TUSC3: variants seen among roughly 807,000 people sequenced by gnomAD.
The protein encoded by TUSC3 is tumor suppressor candidate 3, also known as dolichyl-diphosphooligosaccharide--protein glycosyltransferase subunit TUSC3.
TUSC3 carries 45 observed loss-of-function variants against 44.8 expected under a neutral mutation model. The ratio of observed to expected loss-of-function variants is 1.00; its 90% CI spans 0.79 to 1.29. The LOEUF (loss-of-function observed/expected upper bound fraction) is 1.29, where lower values mean the gene tolerates loss of function less well. Ranked by LOEUF, TUSC3 falls within the 50% of genes most tolerant of loss-of-function variation. TUSC3 has a pLI of 0.00. For missense variants in TUSC3, 519 were observed against 437.9 expected, an observed-to-expected ratio of 1.19 and a Z score of -1.65; for synonymous variants, 212 against 152.9, an observed-to-expected ratio of 1.39 and a Z score of -2.85.
At chr8:15,726,962 C>T (rs1478964448) in intron 6 of TUSC3, among the ~76,000 whole-genome samples, 1 of 152,106 alleles carries the variant, frequency 6.6e-6, no homozygotes, top group African/African-American at 2.4e-5. Context: ...TTCACCTGAT[C>T]TGAAAATGCA....
chr8:15,437,532 CTT>C (rs1448133102), intron 1 of TUSC3, among the ~76,000 whole-genome samples: 2 of 152,156 alleles, frequency 1.3e-5, no homozygotes, highest in African/African-American at 4.8e-5. Context: ...TTAACTTTCT[CTT>C]GTACTATTTT....
At chr8:15,712,577 A>G (rs530036156) in intron 6 of TUSC3, among the ~76,000 whole-genome samples, 10 of 152,142 alleles carry the variant, frequency 6.6e-5, no homozygotes, top group African/African-American at 2.4e-4. Flanking sequence ...GTGGTCTCCA[A>G]AGGACACTAA....
chr8:15,647,289 C>T (rs1045589076), intron 2 of TUSC3, among the ~76,000 whole-genome samples: 6 of 152,160 alleles, frequency 3.9e-5, no homozygotes, highest in African/African-American at 7.2e-5. Context: ...ACCCCTGACC[C>T]GCTCAAAAGA....
chr8:15,532,358 G>A (rs890835665), intron 2 of TUSC3, among the ~76,000 whole-genome samples: 4 of 152,096 alleles, frequency 2.6e-5, no homozygotes, highest in Non-Finnish European at 4.4e-5. Flanking sequence ...CATTTGTGGA[G>A]GCTGAGAAGT....
At chr8:15,734,795 T>G (rs1810864094) in intron 7 of TUSC3, among the ~76,000 whole-genome samples, 1 of 152,166 alleles carries the variant, frequency 6.6e-6, no homozygotes, top group African/African-American at 2.4e-5. Flanking sequence ...GCTATATTGG[T>G]AGAAGATACA....
chr8:15,593,823 C>G (rs537185699), intron 1 of TUSC3, among the ~76,000 whole-genome samples: 7 of 152,176 alleles, frequency 4.6e-5, no homozygotes, highest in Admixed American at 4.6e-4. Context: ...TCCCTCCTTT[C>G]ATATTCTCTT....
chr8:15,640,454 A>G (rs1440525696), intron 2 of TUSC3, among the ~76,000 whole-genome samples: 1 of 152,212 alleles, frequency 6.6e-6, no homozygotes, highest in Non-Finnish European at 1.5e-5. Context: ...AAACGTGGTG[A>G]TGGTACTGGG....
the TUSC3 span, among the ~76,000 whole-genome samples, chr8:15,848,891 G>A: frequency 1.3e-5 from 2 of 152,310 alleles, no homozygotes; most frequent in East Asian, 3.9e-4. Flanking sequence ...AACTAATCTA[G>A]TGCTTAATCG....
intron 2 of TUSC3, among the ~76,000 whole-genome samples, chr8:15,504,063 A>G (rs945035292): frequency 1.8e-4 from 27 of 151,810 alleles, no homozygotes; most frequent in Admixed American, 2.0e-4. Context: ...CCGTTTATTT[A>G]TCCTATCCAC....
chr8:15,709,732 A>G (rs974474900), intron 6 of TUSC3, among the ~76,000 whole-genome samples: 2 of 151,966 alleles, frequency 1.3e-5, no homozygotes, highest in Non-Finnish European at 2.9e-5. Flanking sequence ...TTATCTCCCA[A>G]TTAGGTAAGG....
At chr8:15,798,886 T>C in the TUSC3 span, among the ~76,000 whole-genome samples, 3 of 152,158 alleles carry the variant, frequency 2.0e-5, no homozygotes, top group Non-Finnish European at 2.9e-5. Flanking sequence ...AAATTTTCCA[T>C]GGTGATGCTG....
At chr8:15,436,965 G>A (rs762426724) in intron 1 of TUSC3, among the ~76,000 whole-genome samples, 6 of 152,034 alleles carry the variant, frequency 3.9e-5, no homozygotes, top group African/African-American at 7.2e-5. Flanking sequence ...AATTTATAGC[G>A]ATTCTCACAA....
intron 3 of TUSC3, among the ~76,000 whole-genome samples, chr8:15,654,077 G>A (rs1413390275): frequency 1.3e-5 from 2 of 152,080 alleles, no homozygotes; most frequent in Non-Finnish European, 2.9e-5. Flanking sequence ...GGTAGCCCTG[G>A]GGAATTGGGC....
At chr8:15,481,854 C>G (rs1479075036) in intron 1 of TUSC3, among the ~76,000 whole-genome samples, 1 of 152,098 alleles carries the variant, frequency 6.6e-6, no homozygotes, top group African/African-American at 2.4e-5. Context: ...GTTGCTAAAA[C>G]TTGGGGTGGC....
chr8:15,797,332 A>G, the TUSC3 span, among the ~76,000 whole-genome samples: 2 of 152,308 alleles, frequency 1.3e-5, no homozygotes, highest in South Asian at 2.1e-4. Context: ...GAGTCCAGCA[A>G]TGTGGCATCT....
At chr8:15,809,785 A>G in the TUSC3 span, among the ~76,000 whole-genome samples, 1 of 152,214 alleles carries the variant, frequency 6.6e-6, no homozygotes, top group Non-Finnish European at 1.5e-5. Flanking sequence ...GACTGTAATT[A>G]TATTACTTAA....
chr8:15,597,834 A>C (rs891025856), intron 1 of TUSC3, among the ~76,000 whole-genome samples: 1 of 152,054 alleles, frequency 6.6e-6, no homozygotes, highest in African/African-American at 2.4e-5. Context: ...TATGGCCTAC[A>C]TTTTTAAGGC....
At chr8:15,525,714 G>C (rs2129130158) in intron 2 of TUSC3, among the ~76,000 whole-genome samples, 1 of 152,284 alleles carries the variant, frequency 6.6e-6, no homozygotes, top group Middle Eastern at 3.4e-3. Context: ...TGGAGAAACA[G>C]AGACTTGCTC....
the TUSC3 span, among the ~76,000 whole-genome samples, chr8:15,847,514 G>T: frequency 6.6e-6 from 1 of 151,944 alleles, no homozygotes; most frequent in Non-Finnish European, 1.5e-5. Context: ...ATTTCCTCAC[G>T]CAAATACGTT....
Sources: allele counts gnomAD v4.1 joint callset (sites outside exome capture counted in the v4.1 genomes callset), GRCh38; gene constraint gnomAD v4.1.1; transcripts MANE v1.5; gene names NCBI Gene and HGNC (gene_info 2026-07-23, HGNC 2026-07-21).